The following KAT2B variants were observed in gnomAD, a reference collection of about 807,000 sequenced individuals.
KAT2B encodes histone acetyltransferase KAT2B.
KAT2B carries 36 observed loss-of-function variants against 105.9 expected under a neutral mutation model. The ratio of observed to expected loss-of-function variants is 0.34; its 90% confidence interval spans 0.26 to 0.45. KAT2B has a LOEUF of 0.45. Among genes scored for constraint, KAT2B ranks in the 20% least tolerant of loss-of-function variants. KAT2B has a pLI of 1.00. For missense variants in KAT2B, 820 were observed against 1,021.6 expected, an observed-to-expected ratio of 0.80 and a Z score of 2.69; for synonymous variants, 397 against 377.9, an observed-to-expected ratio of 1.05 and a Z score of -0.59.
At chr3:20,125,015 A>T (rs1001978942) in intron 9 of KAT2B, among the ~76,000 whole-genome samples, 1 of 152,196 alleles carries the variant, frequency 6.6e-6, no homozygotes, top group Non-Finnish European at 1.5e-5. Context: ...TGTTCTTTAA[A>T]AAGAGGTGTT....
At chr3:20,126,337 C>T (rs1402027341) in intron 10 of KAT2B, among the ~76,000 whole-genome samples, 2 of 152,110 alleles carry the variant, frequency 1.3e-5, no homozygotes, top group Non-Finnish European at 2.9e-5. Flanking sequence ...TTATATTTTA[C>T]ATTGCTGATG....
At chr3:20,096,255 G>A (rs1403303863) in intron 3 of KAT2B, among the ~76,000 whole-genome samples, 1 of 152,124 alleles carries the variant, frequency 6.6e-6, no homozygotes, top group Non-Finnish European at 1.5e-5. Context: ...ACCGATTACT[G>A]CTGCCATTCC....
chr3:20,079,571 T>C (rs907913975), intron 2 of KAT2B, among the ~76,000 whole-genome samples: 1 of 152,222 alleles, frequency 6.6e-6, no homozygotes, highest in African/African-American at 2.4e-5. Context: ...AGCTTACTTC[T>C]TGAGTATTAT....
chr3:20,056,555 A>G (rs558875361), intron 1 of KAT2B, among the ~76,000 whole-genome samples: 2 of 152,380 alleles, frequency 1.3e-5, no homozygotes, highest in Admixed American at 1.3e-4. Context: ...TACTGTTACA[A>G]TTAAAACAAT....
intron 1 of KAT2B, among the ~76,000 whole-genome samples, chr3:20,061,063 A>G (rs1054200586): frequency 3.3e-5 from 5 of 152,214 alleles, no homozygotes; most frequent in African/African-American, 1.2e-4. Context: ...TTATTGTGCA[A>G]TCATCACCAC....
intron 11 of KAT2B, among the ~76,000 whole-genome samples, chr3:20,134,177 T>G (rs1260348297): frequency 1.3e-5 from 2 of 152,340 alleles, no homozygotes; most frequent in Admixed American, 1.3e-4. Context: ...GAAGCCTTTT[T>G]GTATCCCTAA....
intron 2 of KAT2B, 116 bp from the exon 3 acceptor site, chr3:20,095,147 C>G: frequency 1.3e-6 from 1 of 762,714 alleles, no homozygotes; most frequent in Non-Finnish European, 2.1e-6. Context: ...CTCTTATTAC[C>G]AGTGAACTTA....
intron 13 of KAT2B, among the ~76,000 whole-genome samples, chr3:20,142,907 G>A (rs953498780): frequency 6.6e-6 from 1 of 151,320 alleles, no homozygotes; most frequent in Admixed American, 6.6e-5. Context: ...GTGTGTGTAC[G>A]TACATATACC....
chr3:20,094,962 G>A (rs1698783041), intron 2 of KAT2B, among the ~76,000 whole-genome samples: 1 of 152,096 alleles, frequency 6.6e-6, no homozygotes, highest in South Asian at 2.1e-4. Context: ...ACCCTATTAG[G>A]ACCAGTCTTG....
At chr3:20,113,554 G>C (rs994859472) in intron 6 of KAT2B, among the ~76,000 whole-genome samples, 13 of 152,244 alleles carry the variant, frequency 8.5e-5, no homozygotes, top group Non-Finnish European at 1.5e-4. Flanking sequence ...TACTAATGGT[G>C]GGGTAAAACT....
At chr3:20,132,356 A>AG (rs1699526491) in intron 11 of KAT2B, among the ~76,000 whole-genome samples, 1 of 152,210 alleles carries the variant, frequency 6.6e-6, no homozygotes. Flanking sequence ...CTGGGCAACA[A>AG]GAGTGAAACT....
chr3:20,055,408 AAAGTGGT>A, intron 1 of KAT2B, among the ~76,000 whole-genome samples: 1 of 152,184 alleles, frequency 6.6e-6, no homozygotes. Flanking sequence ...AAAATAACAG[AAAGTGGT>A]AAGTGCCTCG....
chr3:20,078,365 G>A (rs900671097), intron 2 of KAT2B, among the ~76,000 whole-genome samples: 4 of 151,960 alleles, frequency 2.6e-5, no homozygotes, highest in African/African-American at 9.7e-5. Flanking sequence ...TTAGTTTAGA[G>A]GTTTTTTGAT....
At chr3:20,067,023 G>A (rs1045504003) in intron 1 of KAT2B, among the ~76,000 whole-genome samples, 2 of 152,122 alleles carry the variant, frequency 1.3e-5, no homozygotes, top group African/African-American at 2.4e-5. Flanking sequence ...GTGCTGCGGG[G>A]CTGACAAAAC....
chr3:20,074,641 A>G (rs1698386451), intron 2 of KAT2B, among the ~76,000 whole-genome samples: 1 of 152,194 alleles, frequency 6.6e-6, no homozygotes, highest in Non-Finnish European at 1.5e-5. Context: ...CAATGCATAT[A>G]AGAAGGGTAC....
At chr3:20,082,313 G>T (rs1354007858) in intron 2 of KAT2B, among the ~76,000 whole-genome samples, 1 of 152,084 alleles carries the variant, frequency 6.6e-6, no homozygotes, top group Non-Finnish European at 1.5e-5. Context: ...GGGATTACAG[G>T]CTTGAGCCAC....
intron 7 of KAT2B, among the ~76,000 whole-genome samples, chr3:20,119,243 C>T (rs1699264070): frequency 6.6e-6 from 1 of 150,766 alleles, no homozygotes; most frequent in African/African-American, 2.4e-5. Context: ...TGAACTTCCC[C>T]AAATCAGTTA....
intron 5 of KAT2B, among the ~76,000 whole-genome samples, chr3:20,103,704 CA>C (rs1698949924): frequency 6.6e-6 from 1 of 152,136 alleles, no homozygotes; most frequent in African/African-American, 2.4e-5. Context: ...TCACTGTGCC[CA>C]GCTATGATAT....
intron 10 of KAT2B, among the ~76,000 whole-genome samples, chr3:20,126,483 G>A (rs764428528): frequency 7.3e-5 from 11 of 151,060 alleles, no homozygotes; most frequent in Non-Finnish European, 1.6e-4. Flanking sequence ...CAATTATTGG[G>A]ATATAAGACA....
Sources: gnomAD v4.1 joint callset for allele counts (sites outside exome capture counted in the v4.1 genomes callset) on GRCh38, gnomAD v4.1.1 for gene constraint, MANE v1.5 for transcripts, NCBI Gene and HGNC (gene_info 2026-07-23, HGNC 2026-07-21) for gene names.